The following EPHA3 variants were observed in gnomAD, a reference collection of about 807,000 sequenced individuals.
The protein encoded by EPHA3 is EPH receptor A3, also known as ephrin type-A receptor 3.
A neutral mutation model predicts 107.1 loss-of-function variants in EPHA3; 42 were observed. The observed-to-expected ratio is 0.39, with a 90% confidence interval of 0.31 to 0.51. The LOEUF (loss-of-function observed/expected upper bound fraction) is 0.51. EPHA3 is among the 20% of genes least tolerant of loss of function. The probability of loss-of-function intolerance (pLI) is 0.78; values close to 1 mark genes in which losing one functional copy is unlikely to be tolerated. For missense variants in EPHA3, 1,183 were observed against 1,211.2 expected, an observed-to-expected ratio of 0.98 and a Z score of 0.35; for synonymous variants, 461 against 424.8, an observed-to-expected ratio of 1.09 and a Z score of -1.05.
chr3:89,219,496 A>C (rs1232764508), intron 3 of EPHA3, among the ~76,000 whole-genome samples: 1 of 151,548 alleles, frequency 6.6e-6, no homozygotes, highest in Non-Finnish European at 1.5e-5. Context: ...TGCTATACCA[A>C]ATGTCAACTG....
intron 2 of EPHA3, among the ~76,000 whole-genome samples, chr3:89,188,618 A>T (rs752626324): frequency 1.3e-5 from 2 of 152,178 alleles, no homozygotes; most frequent in African/African-American, 2.4e-5. Flanking sequence ...CCTTGACTTC[A>T]TCATGCTCCT....
Position 89,293,016 on chromosome 3 carries a change from G to A in EPHA3, c.815-47900G>A, listed in dbSNP as rs138786306. ...TCTTCACCACCCCTTTGTATTGTCA[G>A]TCTTTTTAATTTTTTGCCATTCTGA... On this transcript the variant is annotated intron_variant, in intron 3 of 16. Transcript: ENST00000336596. 7.7e-3 allele frequency among the ~76,000 whole-genome samples: 1,176 copies of A among 152,138 alleles called. 26 individuals are homozygous for A. Among genetic ancestry groups the A allele is most frequent in the Non-Finnish European group, 6.2e-3 (420 of 67,998 alleles).
At chr3:89,352,222 A>G (rs1707842278) in intron 5 of EPHA3, among the ~76,000 whole-genome samples, 1 of 150,872 alleles carries the variant, frequency 6.6e-6, no homozygotes, top group African/African-American at 2.4e-5. Flanking sequence ...ATCAAAGACA[A>G]CCTCCTTCTT....
At chr3:89,428,560 A>G (rs968682979) in intron 11 of EPHA3, among the ~76,000 whole-genome samples, 3 of 152,078 alleles carry the variant, frequency 2.0e-5, no homozygotes, top group African/African-American at 7.2e-5. Flanking sequence ...TTTTGTAAAT[A>G]ATTATAACTA....
chr3:89,365,816 A>C (rs1212296307), intron 5 of EPHA3, among the ~76,000 whole-genome samples: 1 of 150,584 alleles, frequency 6.6e-6, no homozygotes, highest in Admixed American at 6.7e-5. Flanking sequence ...CAGAAAGCCC[A>C]TTTCCCTGCA....
At chr3:89,437,717 A>G (rs536499716) in intron 13 of EPHA3, among the ~76,000 whole-genome samples, 3 of 152,300 alleles carry the variant, frequency 2.0e-5, no homozygotes, top group Non-Finnish European at 4.4e-5. Flanking sequence ...CAAAATTCCA[A>G]AATGGTAGTG....
chr3:89,107,646 G>A lies in EPHA3; in HGVS notation c.-103G>A. On this transcript the variant is annotated 5_prime_UTR_variant, in exon 1 of 17. Transcript: ENST00000336596. ...AGTGTCAAACTTGACATCAGCCTGC[G>A]AGCGGAGCATGGTAACTTCTCCAGC... The A allele has an allele frequency of 3.7e-6, 4 of 1,074,498 alleles. No individual in the cohort carries two copies. Among genetic ancestry groups the A allele is most frequent in the South Asian group, 1.4e-5 (1 of 72,700 alleles). The allele number at this position is 1,074,498 out of a possible 1,614,324, so 66.6% of individuals were successfully genotyped here.
At chr3:89,231,967 G>A (rs543472524) in intron 3 of EPHA3, among the ~76,000 whole-genome samples, 31 of 152,092 alleles carry the variant, frequency 2.0e-4, no homozygotes, top group Non-Finnish European at 3.7e-4. Flanking sequence ...GTTCTTTTTC[G>A]TCTTCCTTCT....
intron 3 of EPHA3, among the ~76,000 whole-genome samples, chr3:89,235,449 G>T (rs954064660): frequency 2.6e-5 from 4 of 151,884 alleles, no homozygotes; most frequent in Admixed American, 2.6e-4. Flanking sequence ...GTATAGCGTC[G>T]TAATAAATCT....
intron 3 of EPHA3, among the ~76,000 whole-genome samples, chr3:89,223,818 T>A (rs533428308): frequency 6.6e-6 from 1 of 152,266 alleles, no homozygotes; most frequent in South Asian, 2.1e-4. Context: ...GAAAATCGTA[T>A]AATAAAGTAC....
intron 3 of EPHA3, among the ~76,000 whole-genome samples, chr3:89,250,743 C>G (rs2107262512): frequency 6.6e-6 from 1 of 152,314 alleles, no homozygotes; most frequent in Non-Finnish European, 1.5e-5. Context: ...CTACTAATCT[C>G]TTTCTTGAAA....
chr3:89,137,210 T>C (rs1320680254), intron 2 of EPHA3, among the ~76,000 whole-genome samples: 1 of 151,946 alleles, frequency 6.6e-6, no homozygotes, highest in Non-Finnish European at 1.5e-5. Context: ...CTAAACATTA[T>C]GTTTTCAAGC....
At chr3:89,397,883 AT>A (rs1708882748) in intron 6 of EPHA3, among the ~76,000 whole-genome samples, 1 of 152,072 alleles carries the variant, frequency 6.6e-6, no homozygotes, top group Non-Finnish European at 1.5e-5. Context: ...ACCCCTGGAC[AT>A]TACTTTTAAA....
chr3:89,193,840 A>T (rs1705775690), intron 2 of EPHA3, among the ~76,000 whole-genome samples: 1 of 152,022 alleles, frequency 6.6e-6, no homozygotes, highest in Non-Finnish European at 1.5e-5. Context: ...CCTGCTATGA[A>T]CATGTTATAT....
At chr3:89,375,112 T>G (rs1291744964) in intron 5 of EPHA3, among the ~76,000 whole-genome samples, 3 of 151,818 alleles carry the variant, frequency 2.0e-5, no homozygotes, top group Non-Finnish European at 4.4e-5. Context: ...GCTTGTATGT[T>G]TGTGTGTTTT....
intron 3 of EPHA3, among the ~76,000 whole-genome samples, chr3:89,322,651 T>G (rs1164302592): frequency 6.6e-6 from 1 of 152,050 alleles, no homozygotes; most frequent in Non-Finnish European, 1.5e-5. Context: ...TTGCCAGTAT[T>G]GGGAGTGGGA....
At position 89,481,947 on chromosome 3, in the gene EPHA3, A is replaced by G. The variant is rs945361140; in HGVS notation, c.*2445A>G. On this transcript the variant is annotated 3_prime_UTR_variant, in exon 17 of 17. Coordinates refer to ENST00000336596, the MANE Select transcript of EPHA3 (RefSeq NM_005233.6). Reference sequence around the variant, plus strand: ...TCACTCAGTTTATGCTGTGCTAAATATCAATCAAGCCATGTATAAATGTGA... The same window carrying G: ...TCACTCAGTTTATGCTGTGCTAAATGTCAATCAAGCCATGTATAAATGTGA... 1 of 226,496 alleles carries G rather than the reference A, an allele frequency of 4.4e-6. No individual in the cohort carries two copies. The highest frequency in any genetic ancestry group is 8.8e-6 in the Non-Finnish European group (1 of 113,562). 14.0% of individuals were successfully genotyped at this position (226,496 alleles called of 1,614,324 possible). A position where few individuals can be genotyped will look rare whatever the true frequency, so the allele number is the denominator to read the frequency against.
intron 11 of EPHA3, among the ~76,000 whole-genome samples, chr3:89,420,015 A>T (rs534740675): frequency 2.6e-5 from 4 of 151,384 alleles, no homozygotes; most frequent in Non-Finnish European, 5.9e-5. Flanking sequence ...ACTTATTTCC[A>T]TGATGGTTTC....
At chr3:89,272,282 A>ATT (rs36048151) in intron 3 of EPHA3, among the ~76,000 whole-genome samples, 4 of 150,000 alleles carry the variant, frequency 2.7e-5, no homozygotes, top group African/African-American at 7.3e-5. Flanking sequence ...ATGTATTACC[A>ATT]TTTTTTTTTG....
Sources: allele counts gnomAD v4.1 joint callset (sites outside exome capture counted in the v4.1 genomes callset), GRCh38; gene constraint gnomAD v4.1.1; transcripts MANE v1.5; gene names NCBI Gene and HGNC (gene_info 2026-07-23, HGNC 2026-07-21).